Variants in LATS2 observed in about 807,000 individuals in gnomAD.
The protein encoded by LATS2 is serine/threonine-protein kinase LATS2.
LATS2 carries 24 observed loss-of-function variants against 76.0 expected under a neutral mutation model. The ratio of observed to expected loss-of-function variants is 0.32; its 90% CI spans 0.23 to 0.44. The LOEUF is 0.44. Ranked by LOEUF, LATS2 falls within the 20% of genes least tolerant of loss-of-function variation. LATS2 has a pLI of 1.00. For synonymous variants in LATS2, 692 were observed against 635.4 expected (o/e 1.09, Z -1.34); for missense variants, 1,286 against 1,481.2 (o/e 0.87, Z 2.16).
chr13:21,008,349 C>G (rs1000712949), intron 2 of LATS2, among the ~76,000 whole-genome samples: 20 of 152,038 alleles, frequency 1.3e-4, no homozygotes, highest in African/African-American at 4.6e-4. Flanking sequence ...GGGGTGGGGT[C>G]TCCTCAGTGG....
At chr13:21,022,146 T>C (rs1291742639) in intron 2 of LATS2, among the ~76,000 whole-genome samples, 1 of 152,140 alleles carries the variant, frequency 6.6e-6, no homozygotes, top group Non-Finnish European at 1.5e-5. Flanking sequence ...AATCAGAACT[T>C]CTAACAGATG....
At chr13:21,041,267 T>C (rs1246747240) in intron 2 of LATS2, among the ~76,000 whole-genome samples, 1 of 151,974 alleles carries the variant, frequency 6.6e-6, no homozygotes, top group Non-Finnish European at 1.5e-5. Context: ...CCACCGCGCC[T>C]GGCCCACTCC....
chr13:21,033,320 G>T (rs1305188723), intron 2 of LATS2, among the ~76,000 whole-genome samples: 1 of 152,004 alleles, frequency 6.6e-6, no homozygotes, highest in Non-Finnish European at 1.5e-5. Context: ...GTAGAGGAAA[G>T]AATTTGGAAA....
In LATS2 at chr13:20,983,341, G is replaced by A; in HGVS notation, c.2365C>T (p.His789Tyr). 1 of 1,613,994 alleles carries A rather than the reference G, an allele frequency of 6.2e-7. No homozygotes were observed. Among genetic ancestry groups the A allele is most frequent in the Non-Finnish European group, 8.5e-7 (1 of 1,179,954 alleles). ...ATGTTATCAGGCTTGATGTCTCGGTGGATGAAGCCCATCTTGTGGACACTC... is the reference window on the plus strand; with the variant it reads ...ATGTTATCAGGCTTGATGTCTCGGTAGATGAAGCCCATCTTGTGGACACTC... Reference protein sequence around the residue: ...IESVHKMGFIHRDIKPDNILI... With the variant: ...IESVHKMGFIYRDIKPDNILI... The change falls in exon 5 of 8, where the codon CAC becomes TAC. Residue 789 changes from histidine (H) to tyrosine (Y), a missense_variant. His to Tyr is a moderately conservative substitution (Grantham distance 83). This residue lies in a region of LATS2 where 247 missense variants were observed against 385.4 expected (regional missense o/e 0.64). Coordinates refer to ENST00000382592, the MANE Select transcript of LATS2 (RefSeq NM_014572.3).
intron 1 of LATS2, among the ~76,000 whole-genome samples, chr13:21,059,072 T>A (rs757089362): frequency 2.6e-5 from 4 of 152,222 alleles, no homozygotes; most frequent in Non-Finnish European, 5.9e-5. Flanking sequence ...AGTTAAAATT[T>A]TAAGCAAAAC....
At chr13:21,016,476 C>T (rs146343904) in intron 2 of LATS2, among the ~76,000 whole-genome samples, 49 of 152,160 alleles carry the variant, frequency 3.2e-4, no homozygotes, top group African/African-American at 1.2e-3. Flanking sequence ...GACAGGGTTT[C>T]ACTATGTTGG....
intron 2 of LATS2, among the ~76,000 whole-genome samples, chr13:21,045,433 C>T (rs1205381661): frequency 6.6e-6 from 1 of 152,204 alleles, no homozygotes; most frequent in Non-Finnish European, 1.5e-5. Flanking sequence ...ATTACAATTT[C>T]AGGAGACCTC....
At chr13:21,010,969 T>G (rs1871571228) in intron 2 of LATS2, among the ~76,000 whole-genome samples, 1 of 152,258 alleles carries the variant, frequency 6.6e-6, no homozygotes, top group Admixed American at 6.5e-5. Flanking sequence ...GAATGTACCT[T>G]CAGTTTACAT....
At chr13:21,024,442 A>C (rs147410952) in intron 2 of LATS2, among the ~76,000 whole-genome samples, 51 of 152,268 alleles carry the variant, frequency 3.3e-4, no homozygotes, top group African/African-American at 1.2e-3. Flanking sequence ...AATGATAATA[A>C]TAATAAATGA....
At chr13:21,007,006 G>A (rs980835270) in intron 2 of LATS2, among the ~76,000 whole-genome samples, 1 of 152,160 alleles carries the variant, frequency 6.6e-6, no homozygotes, top group Non-Finnish European at 1.5e-5. Flanking sequence ...AAGGAAGACA[G>A]TAATCTGCTA....
At chr13:20,987,290 A>G (rs1191349573) in intron 4 of LATS2, among the ~76,000 whole-genome samples, 1 of 152,336 alleles carries the variant, frequency 6.6e-6, no homozygotes, top group East Asian at 1.9e-4. Context: ...TGAAAAGAAC[A>G]CAAATCTGGT....
At chr13:21,055,443 A>G (rs975515346) in intron 1 of LATS2, among the ~76,000 whole-genome samples, 3 of 152,210 alleles carry the variant, frequency 2.0e-5, no homozygotes, top group Non-Finnish European at 2.9e-5. Context: ...CACAAAACAA[A>G]AACACCTCAT....
At chr13:21,023,650 A>G (rs990760062) in intron 2 of LATS2, among the ~76,000 whole-genome samples, 5 of 3,826 alleles carry the variant, frequency 1.3e-3, no homozygotes, top group African/African-American at 1.6e-3. Context: ...TGGCTTTAAA[A>G]AAAAAAAAAA....
chr13:21,019,754 A>G (rs1426195522), intron 2 of LATS2, among the ~76,000 whole-genome samples: 1 of 143,718 alleles, frequency 7.0e-6, no homozygotes, highest in Non-Finnish European at 1.5e-5. Flanking sequence ...CGGGTGGATC[A>G]CCTGAGGTCA....
In LATS2 at chr13:20,974,091, CACAAT is replaced by C; in HGVS notation, c.*774_*778del. On this transcript the variant is annotated 3_prime_UTR_variant, in exon 8 of 8. Coordinates refer to ENST00000382592, the MANE Select transcript of LATS2 (RefSeq NM_014572.3). ...ACAATCATAGCGAAGAGGTCACCCG[CACAAT>C]ACATTATCAGCACACTGTCTAGAAC... is the stretch of plus-strand genomic sequence containing the variant. 4.4e-6 allele frequency: 1 copy of C among 227,536 alleles called. No homozygotes were observed. The highest frequency in any genetic ancestry group is 2.2e-5 in the African/African-American group (1 of 44,884). 14.1% of individuals were successfully genotyped at this position (227,536 alleles called of 1,614,324 possible). A position where few individuals can be genotyped will look rare whatever the true frequency, so the allele number is the denominator to read the frequency against.
intron 1 of LATS2, among the ~76,000 whole-genome samples, chr13:21,060,390 ACTAGGGCACGG>A (rs1222706454): frequency 5.3e-5 from 8 of 152,336 alleles, no homozygotes; most frequent in African/African-American, 1.9e-4. Context: ...ACGTCGCTAA[ACTAGGGCACGG>A]GAATGGCGTG....
intron 2 of LATS2, among the ~76,000 whole-genome samples, chr13:20,992,443 A>G (rs1315746791): frequency 6.6e-6 from 1 of 152,136 alleles, no homozygotes; most frequent in Non-Finnish European, 1.5e-5. Context: ...TACCGAAGAG[A>G]TGCAGCCCAG....
rs1451039702 is a variant in LATS2, at chr13:20,979,773, C to T, written c.2690G>A (p.Trp897Ter). The T allele has an allele frequency of 6.2e-7, 1 of 1,610,298 alleles. No individual in the cohort carries two copies. The highest frequency in any genetic ancestry group is 1.3e-5 in the African/African-American group (1 of 74,840). Residue 897 changes from tryptophan to a stop codon, truncating the protein, a stop_gained, in exon 7 of 8, where the codon TGG becomes TAG. Transcript: ENST00000382592. LOFTEE classifies it high-confidence loss of function. ...CTCGAAGAGAATCACTCCAACACTCCACCAGTCACAGAGTTGAGTGTACCC... is the reference window on the plus strand; with the variant it reads ...CTCGAAGAGAATCACTCCAACACTCTACCAGTCACAGAGTTGAGTGTACCC... ...RKGYTQLCDW[W>*]SVGVILFEML...
intron 2 of LATS2, among the ~76,000 whole-genome samples, chr13:21,024,401 AC>A (rs1353619620): frequency 6.6e-6 from 1 of 152,118 alleles, no homozygotes; most frequent in African/African-American, 2.4e-5. Flanking sequence ...GCGCCACTGT[AC>A]CCCAGCCTGG....
Sources: gnomAD v4.1 joint callset for allele counts (sites outside exome capture counted in the v4.1 genomes callset) on GRCh38, gnomAD v4.1.1 for gene constraint, gnomAD v4.1.1 regional missense constraint, MANE v1.5 for transcripts, NCBI Gene and HGNC (gene_info 2026-07-23, HGNC 2026-07-21) for gene names.